TMEM212: variants seen among roughly 807,000 people sequenced by gnomAD.
TMEM212 encodes transmembrane protein 212.
In TMEM212, 23 loss-of-function variants were observed where a neutral mutation model predicts 20.5. The observed-to-expected ratio is 1.12, with a 90% CI of 0.81 to 1.59. The LOEUF (loss-of-function observed/expected upper bound fraction) is 1.59. TMEM212 is among the 40% of genes most tolerant of loss of function. The pLI is 0.00. For missense variants in TMEM212, 211 were observed against 215.0 expected (o/e 0.98, Z 0.12); for synonymous variants, 76 against 81.6 (o/e 0.93, Z 0.37).
At chr3:171,846,369 A>G (rs180739284) in intron 1 of TMEM212, among the ~76,000 whole-genome samples, 134 of 152,262 alleles carry the variant, frequency 8.8e-4, no homozygotes, top group African/African-American at 3.0e-3. Flanking sequence ...TTTTTTCCTC[A>G]TAACACTTAT....
At chr3:171,851,735 G>T (rs555716214) in intron 1 of TMEM212, among the ~76,000 whole-genome samples, 1 of 152,340 alleles carries the variant, frequency 6.6e-6, no homozygotes, top group Admixed American at 6.5e-5. Context: ...GATTCTGATG[G>T]CAAAGGCAAC....
chr3:171,847,213 C>T (rs1030835694), intron 1 of TMEM212, among the ~76,000 whole-genome samples: 3 of 152,184 alleles, frequency 2.0e-5, no homozygotes, highest in African/African-American at 7.2e-5. Flanking sequence ...TTCTAGAAAA[C>T]ATGGCTTGTA....
intron 1 of TMEM212, among the ~76,000 whole-genome samples, chr3:171,843,971 G>T: frequency 6.6e-6 from 1 of 152,022 alleles, no homozygotes; most frequent in East Asian, 1.9e-4. Context: ...AGATGTACAT[G>T]GCCCCAAAAT....
chr3:171,853,211 TG>T (rs1435949044), intron 2 of TMEM212, among the ~76,000 whole-genome samples: 4 of 152,272 alleles, frequency 2.6e-5, no homozygotes, highest in African/African-American at 9.6e-5. Context: ...TAATGGGTGC[TG>T]GGCTTAATAC....
rs146787180 is a variant in TMEM212, at chr3:171,854,405, A to G, written c.543+555A>G. Reference sequence around the variant, plus strand: ...AACAAACAATCCTATTTACAACATCATCAAAAAGAATAAAATACTTAAGAT... The same window carrying G: ...AACAAACAATCCTATTTACAACATCGTCAAAAAGAATAAAATACTTAAGAT... On this transcript the variant is annotated intron_variant, in intron 3 of 4. Coordinates refer to ENST00000334567, the MANE Select transcript of TMEM212 (RefSeq NM_001164436.2). Among the ~76,000 whole-genome samples, 140 of 152,274 alleles carry G rather than the reference A, an allele frequency of 9.2e-4. No homozygotes were observed. In the East Asian group the frequency reaches 0.015, roughly 17 times the overall value.
At chr3:171,843,724 T>C (rs1178435274) in intron 1 of TMEM212, among the ~76,000 whole-genome samples, 182 bp downstream of exon 1, 3 of 152,214 alleles carry the variant, frequency 2.0e-5, no homozygotes, top group Non-Finnish European at 4.4e-5. Context: ...ATAAAAATGA[T>C]CTTAATATTG....
chr3:171,851,593 G>C (rs1306135709), intron 1 of TMEM212, among the ~76,000 whole-genome samples: 1 of 152,162 alleles, frequency 6.6e-6, no homozygotes, highest in African/African-American at 2.4e-5. Context: ...TTCCATTCTG[G>C]TTCCTTCCAT....
chr3:171,848,859 T>C (rs1377889554), intron 1 of TMEM212, among the ~76,000 whole-genome samples: 3 of 151,688 alleles, frequency 2.0e-5, no homozygotes, highest in African/African-American at 7.3e-5. Context: ...ACCAGGGTTC[T>C]ACAGAGATGT....
At chr3:171,850,022 C>T (rs965627529) in intron 1 of TMEM212, among the ~76,000 whole-genome samples, 6 of 152,230 alleles carry the variant, frequency 3.9e-5, no homozygotes, top group Non-Finnish European at 5.9e-5. Flanking sequence ...GACACTCCCT[C>T]TCTCACATTT....
At chr3:171,851,839 G>A (rs1383007481) in intron 1 of TMEM212, 143 bp from the exon 2 acceptor site, 3 of 708,628 alleles carry the variant, frequency 4.2e-6, no homozygotes, top group Non-Finnish European at 7.2e-6. Flanking sequence ...CACGGATGAG[G>A]AGGAAATCAG....
At chr3:171,850,508 C>T (rs930083323) in intron 1 of TMEM212, among the ~76,000 whole-genome samples, 2 of 152,226 alleles carry the variant, frequency 1.3e-5, no homozygotes, top group African/African-American at 4.8e-5. Flanking sequence ...GGGGCGTGAG[C>T]CTGTCTCCCT....
intron 4 of TMEM212, chr3:171,856,911 T>G (rs2108383295): frequency 2.6e-6 from 1 of 391,338 alleles, no homozygotes; most frequent in African/African-American, 2.1e-5. Context: ...CATGTAAATC[T>G]GCTCTTTTAG....
Position 171,843,520 on chromosome 3 carries a change from G to A in TMEM212, c.137G>A (p.Cys46Tyr). The change falls in exon 1 of 5, where the codon TGT becomes TAT. Residue 46 changes from cysteine to tyrosine, a missense_variant. Transcript: ENST00000334567. ...WFTGWSVRIA[C>Y]PIWNGALAIT... ...ACAGGATGGAGTGTTCGAATTGCTTGTCCTATCTGGAATGGAGCTTTGGTA... is the reference window on the plus strand; with the variant it reads ...ACAGGATGGAGTGTTCGAATTGCTTATCCTATCTGGAATGGAGCTTTGGTA... The A allele has an allele frequency of 6.5e-7, 1 of 1,535,672 alleles. No homozygotes were observed. Among genetic ancestry groups the A allele is most frequent in the Non-Finnish European group, 8.7e-7 (1 of 1,146,156 alleles).
chr3:171,854,053 T>G (rs1725055589), intron 3 of TMEM212, among the ~76,000 whole-genome samples: 1 of 152,140 alleles, frequency 6.6e-6, no homozygotes, highest in African/African-American at 2.4e-5. Context: ...TAACTGAAGT[T>G]ATGGCCGTAG....
chr3:171,843,520 G>T lies in TMEM212; in HGVS notation c.137G>T (p.Cys46Phe), dbSNP rs1034662154. ...WFTGWSVRIA[C>F]PIWNGALAIT... is the part of the protein sequence containing the mutation. Reference sequence around the variant, plus strand: ...ACAGGATGGAGTGTTCGAATTGCTTGTCCTATCTGGAATGGAGCTTTGGTA... The same window carrying T: ...ACAGGATGGAGTGTTCGAATTGCTTTTCCTATCTGGAATGGAGCTTTGGTA... Residue 46 changes from cysteine to phenylalanine, a missense_variant, in exon 1 of 5, where the codon TGT (cysteine) becomes TTT (phenylalanine). Cys to Phe is a radical substitution (Grantham distance 205). Coordinates refer to ENST00000334567, the MANE Select transcript of TMEM212 (RefSeq NM_001164436.2). The T allele has an allele frequency of 2.6e-6, 4 of 1,535,554 alleles. No homozygotes were observed. The African/African-American group carries it at 5.5e-5, about 21-fold the overall frequency.
intron 1 of TMEM212, among the ~76,000 whole-genome samples, chr3:171,846,824 C>G (rs757612331): frequency 4.6e-5 from 7 of 152,192 alleles, no homozygotes; most frequent in African/African-American, 7.2e-5. Context: ...GAACTTCAAA[C>G]AGTCTCTGAC....
rs1725053678 is a variant in TMEM212 at position 171,853,961 on chromosome 3, A to G, written c.543+111A>G. On this transcript the variant is annotated intron_variant, in intron 3 of 4. Transcript: ENST00000334567. ...TCTGTTATTTACCATTGTATCCCAT[A>G]TGCTTTTGATATCCAGGTCTGGCAC... 2.5e-5 allele frequency: 20 copies of G among 802,824 alleles called. No individual in the cohort carries two copies. The South Asian group carries it at 3.5e-4, about 14-fold the overall frequency. 49.7% of individuals were successfully genotyped at this position (802,824 alleles called of 1,614,324 possible). A position where few individuals can be genotyped will look rare whatever the true frequency, so the allele number is the denominator to read the frequency against.
At chr3:171,856,303 C>A (rs1725115755) in intron 3 of TMEM212, among the ~76,000 whole-genome samples, 1 of 152,160 alleles carries the variant, frequency 6.6e-6, no homozygotes, top group Non-Finnish European at 1.5e-5. Context: ...CACTACTAAT[C>A]TCTAATAAGT....
chr3:171,846,420 G>T (rs1446438771), intron 1 of TMEM212, among the ~76,000 whole-genome samples: 1 of 152,078 alleles, frequency 6.6e-6, no homozygotes, highest in Non-Finnish European at 1.5e-5. Context: ...TTTATTGTTT[G>T]TATATTCCCC....
Sources: gnomAD v4.1 joint callset for allele counts (sites outside exome capture counted in the v4.1 genomes callset) on GRCh38, gnomAD v4.1.1 for gene constraint, MANE v1.5 for transcripts, NCBI Gene and HGNC (gene_info 2026-07-23, HGNC 2026-07-21) for gene names.